DAB1: variants seen among roughly 807,000 people sequenced by gnomAD.
DAB1 encodes the protein DAB adaptor protein 1.
Under a neutral mutation model 64.6 loss-of-function variants are expected in DAB1, and 15 were observed. The ratio of observed to expected loss-of-function variants is 0.23; its 90% CI spans 0.16 to 0.36. DAB1 has a LOEUF of 0.36. Ranked by LOEUF, DAB1 falls within the 10% of genes least tolerant of loss-of-function variation. The pLI is 1.00. For missense variants in DAB1, 596 were observed against 706.7 expected (o/e 0.84, Z 1.78); for synonymous variants, 235 against 251.9 (o/e 0.93, Z 0.64).
chr1:57,147,170 A>C (rs1480281379), intron 2 of DAB1, among the ~76,000 whole-genome samples: 1 of 152,076 alleles, frequency 6.6e-6, no homozygotes, highest in South Asian at 2.1e-4. Flanking sequence ...AGCTGGGACA[A>C]CAGGCACACA....
chr1:58,168,836 G>A (rs1656006092), intron 4 of DAB1, among the ~76,000 whole-genome samples: 1 of 152,132 alleles, frequency 6.6e-6, no homozygotes, highest in Non-Finnish European at 1.5e-5. Context: ...TATAGGACAT[G>A]GGTAAAGTCC....
At chr1:57,365,233 A>C (rs1341930559) in intron 1 of DAB1, among the ~76,000 whole-genome samples, 2 of 142,526 alleles carry the variant, frequency 1.4e-5, no homozygotes, top group Admixed American at 7.3e-5. Flanking sequence ...TTATATAAAA[A>C]TATATAAACA....
intron 5 of DAB1, among the ~76,000 whole-genome samples, chr1:58,131,064 G>A (rs1456702050): frequency 1.5e-5 from 2 of 133,220 alleles, no homozygotes; most frequent in East Asian, 2.3e-4. Context: ...TTCCAACTTG[G>A]TTCCATTCTC....
At chr1:57,435,205 C>T (rs1051802746) in intron 7 of DAB1, among the ~76,000 whole-genome samples, 14 of 151,682 alleles carry the variant, frequency 9.2e-5, no homozygotes, top group African/African-American at 2.9e-4. Context: ...CTTGCCACCA[C>T]GCCCGGTTAA....
At chr1:57,975,984 C>T (rs972008785) in intron 5 of DAB1, among the ~76,000 whole-genome samples, 10 of 152,228 alleles carry the variant, frequency 6.6e-5, no homozygotes, top group African/African-American at 1.9e-4. Context: ...TCGGAGACTT[C>T]TTTGCTCCAG....
At chr1:57,663,643 TA>T (rs1023454011) in intron 6 of DAB1, among the ~76,000 whole-genome samples, 3 of 151,850 alleles carry the variant, frequency 2.0e-5, no homozygotes, top group Non-Finnish European at 2.9e-5. Flanking sequence ...TTTTTTTTTT[TA>T]AAAACCACAA....
intron 7 of DAB1, among the ~76,000 whole-genome samples, chr1:57,452,155 C>T (rs1290462551): frequency 8.0e-6 from 1 of 125,730 alleles, no homozygotes; most frequent in Admixed American, 8.8e-5. Context: ...TAGTCTCTCT[C>T]TGCACCCCCC....
intron 5 of DAB1, among the ~76,000 whole-genome samples, chr1:57,989,708 G>A (rs557495097): frequency 1.3e-5 from 2 of 152,254 alleles, no homozygotes; most frequent in South Asian, 4.1e-4. Flanking sequence ...AGGGCTGGGA[G>A]GCTCAGAGAA....
intron 1 of DAB1, among the ~76,000 whole-genome samples, chr1:57,348,796 C>T (rs1409451767): frequency 6.6e-6 from 1 of 152,054 alleles, no homozygotes; most frequent in Non-Finnish European, 1.5e-5. Flanking sequence ...ACTGGAAATG[C>T]CTCCCTTGTC....
intron 3 of DAB1, among the ~76,000 whole-genome samples, chr1:58,414,824 C>G (rs17117481): frequency 0.033 from 5,087 of 152,000 alleles, 107 homozygotes; most frequent in African/African-American, 0.063. Flanking sequence ...TCTAAGCTTA[C>G]TTGCTATTCC....
At chr1:58,051,225 T>C (rs1038983896) in intron 5 of DAB1, among the ~76,000 whole-genome samples, 5 of 144,608 alleles carry the variant, frequency 3.5e-5, no homozygotes, top group African/African-American at 1.3e-4. Context: ...TGGGCCCCAG[T>C]ATATGATGTT....
At chr1:58,134,035 G>GA (rs1653802592) in intron 5 of DAB1, among the ~76,000 whole-genome samples, 1 of 152,066 alleles carries the variant, frequency 6.6e-6, no homozygotes, top group Non-Finnish European at 1.5e-5. Flanking sequence ...TGTGACCCTG[G>GA]ACACCCCATT....
intron 5 of DAB1, among the ~76,000 whole-genome samples, chr1:58,043,579 T>C (rs1647173856): frequency 6.6e-6 from 1 of 152,216 alleles, no homozygotes; most frequent in South Asian, 2.1e-4. Context: ...AAGCCTTCCG[T>C]GAATCTCACA....
chr1:57,351,145 G>A lies in DAB1; in HGVS notation c.-136-59979C>T, dbSNP rs141952802. Among the ~76,000 whole-genome samples the A allele has an allele frequency of 3.0e-4, 46 of 152,240 alleles. No individual in the cohort carries two copies. The East Asian group carries it at 8.7e-3, about 29-fold the overall frequency. Reference sequence around the variant, plus strand: ...TGAGAAAATTGTGGTTCAAATCGTTGAGTCACTTGTTCAAGTTTCAAAAAC... The same window carrying A: ...TGAGAAAATTGTGGTTCAAATCGTTAAGTCACTTGTTCAAGTTTCAAAAAC... On this transcript the variant is annotated intron_variant, in intron 1 of 14. Coordinates refer to ENST00000371236, the MANE Select transcript of DAB1 (RefSeq NM_001365792.1).
At chr1:57,713,182 A>C (rs1312109422) in intron 6 of DAB1, among the ~76,000 whole-genome samples, 1 of 152,162 alleles carries the variant, frequency 6.6e-6, no homozygotes, top group Non-Finnish European at 1.5e-5. Flanking sequence ...AAGTTCATGA[A>C]ACCTAACATG....
intron 2 of DAB1, among the ~76,000 whole-genome samples, chr1:57,290,017 C>A (rs1422531250): frequency 2.6e-5 from 4 of 152,220 alleles, no homozygotes; most frequent in Admixed American, 6.5e-5. Flanking sequence ...TGCCAGATAT[C>A]TCTGGCTCCT....
intron 3 of DAB1, chr1:58,473,693 C>T (rs913822402): frequency 8.3e-6 from 3 of 363,014 alleles, no homozygotes; most frequent in African/African-American, 4.3e-5. Flanking sequence ...ATAATGAATG[C>T]TAGCCATTAT....
Position 57,046,301 on chromosome 1 carries a change from A to G in DAB1, c.723+16583T>C, listed in dbSNP as rs538690932. 1.1e-4 allele frequency among the ~76,000 whole-genome samples: 16 copies of G among 152,346 alleles called. 1 individual carries two copies. Among genetic ancestry groups the G allele is most frequent in the African/African-American group, 3.8e-4 (16 of 41,590 alleles). On this transcript the variant is annotated intron_variant, in intron 9 of 14. Coordinates refer to ENST00000371236, the MANE Select transcript of DAB1 (RefSeq NM_001365792.1). Reference sequence around the variant, plus strand: ...ACTTGCTGGCCCCTAGTAAGCGCTCAGCAAATATTAGTTTCTCGCCTCCTT... The same window carrying G: ...ACTTGCTGGCCCCTAGTAAGCGCTCGGCAAATATTAGTTTCTCGCCTCCTT...
At chr1:58,146,554 T>C (rs1166238396) in intron 5 of DAB1, among the ~76,000 whole-genome samples, 1 of 152,198 alleles carries the variant, frequency 6.6e-6, no homozygotes, top group Non-Finnish European at 1.5e-5. Context: ...TCTGTTTCTA[T>C]GTAATCTATG....
Sources: allele counts gnomAD v4.1 joint callset (sites outside exome capture counted in the v4.1 genomes callset), GRCh38; gene constraint gnomAD v4.1.1; transcripts MANE v1.5; gene names NCBI Gene and HGNC (gene_info 2026-07-23, HGNC 2026-07-21).